The following CTXN2 variants were observed in gnomAD, a reference collection of about 807,000 sequenced individuals.
CTXN2 encodes cortexin-2.
Under a neutral mutation model 5.7 loss-of-function variants are expected in CTXN2, and 3 were observed. The ratio of observed to expected loss-of-function variants is 0.53; its 90% CI spans 0.24 to 1.36. CTXN2 has a LOEUF of 1.36. Among genes scored for constraint, CTXN2 ranks in the 40% most tolerant of loss-of-function variants. CTXN2 has a pLI of 0.17. For synonymous variants in CTXN2, 38 were observed against 36.4 expected, an observed-to-expected ratio of 1.04 and a Z score of -0.16; for missense variants, 87 against 93.0, an observed-to-expected ratio of 0.94 and a Z score of 0.26.
chr15:48,200,210 T>G (rs1413101818), intron 1 of CTXN2, among the ~76,000 whole-genome samples: 1 of 152,114 alleles, frequency 6.6e-6, no homozygotes, highest in Non-Finnish European at 1.5e-5. Flanking sequence ...ATACCAACAG[T>G]CTATTATTCG....
chr15:48,185,997 G>T (rs546162395), intron 1 of CTXN2, among the ~76,000 whole-genome samples: 1 of 152,260 alleles, frequency 6.6e-6, no homozygotes, highest in African/African-American at 2.4e-5. Flanking sequence ...TATTACAGAA[G>T]CATACATTAT....
chr15:48,188,006 A>G (rs1343358751), upstream of CTXN2, among the ~76,000 whole-genome samples: 1 of 152,038 alleles, frequency 6.6e-6, no homozygotes, highest in Non-Finnish European at 1.5e-5. Flanking sequence ...TAGATGATAC[A>G]TTTTCTGTAT....
chr15:48,193,210 G>T (rs573911391), intron 1 of CTXN2, among the ~76,000 whole-genome samples: 34 of 152,254 alleles, frequency 2.2e-4, no homozygotes, highest in African/African-American at 7.9e-4. Flanking sequence ...CAATTGCCAT[G>T]AAGGAAATGT....
chr15:48,198,850 A>G (rs369330920), intron 1 of CTXN2, among the ~76,000 whole-genome samples: 48 of 152,326 alleles, frequency 3.2e-4, no homozygotes, highest in African/African-American at 1.0e-3. Flanking sequence ...TCATAACTAT[A>G]ATCAGTTTAG....
At chr15:48,199,277 A>G (rs1311998164) in intron 1 of CTXN2, among the ~76,000 whole-genome samples, 1 of 152,198 alleles carries the variant, frequency 6.6e-6, no homozygotes, top group African/African-American at 2.4e-5. Flanking sequence ...CGAGGCAATC[A>G]GTGAAAGGGG....
intron 1 of CTXN2, among the ~76,000 whole-genome samples, chr15:48,196,572 TC>T (rs908202211): frequency 3.9e-5 from 6 of 152,108 alleles, no homozygotes; most frequent in African/African-American, 1.4e-4. Flanking sequence ...ATATCTCATA[TC>T]TTCCCCACAA....
At chr15:48,188,972 C>T (rs907558280), upstream of CTXN2, 2 of 152,294 alleles carry the variant, frequency 1.3e-5, no homozygotes, top group Middle Eastern at 3.4e-3. Context: ...CACGTATCTC[C>T]TCGAGGGCAG....
intron 1 of CTXN2, among the ~76,000 whole-genome samples, chr15:48,198,233 C>T (rs985067235): frequency 3.9e-5 from 6 of 152,038 alleles, no homozygotes; most frequent in African/African-American, 1.4e-4. Flanking sequence ...AGTTTTTATA[C>T]TTATTTTCAA....
At chr15:48,181,594 A>G (rs999957380) in intron 1 of CTXN2, among the ~76,000 whole-genome samples, 1 of 152,114 alleles carries the variant, frequency 6.6e-6, no homozygotes, top group Non-Finnish European at 1.5e-5. Flanking sequence ...ATTAAGTTTT[A>G]GGGATAATAA....
chr15:48,184,982 A>C (rs540771344), intron 1 of CTXN2, among the ~76,000 whole-genome samples: 1 of 152,308 alleles, frequency 6.6e-6, no homozygotes, highest in East Asian at 1.9e-4. Flanking sequence ...TAAATGAGCT[A>C]TCAAGCCATG....
At position 48,191,825 on chromosome 15, in the gene CTXN2, C is replaced by T. The variant is rs1338466844; in HGVS notation, c.-86C>T. The T allele has an allele frequency of 6.6e-6, 3 of 455,932 alleles. No individual in the cohort carries two copies. Among genetic ancestry groups the T allele is most frequent in the Non-Finnish European group, 1.3e-5 (3 of 226,800 alleles). The allele number at this position is 455,932 out of a possible 1,614,324, so 28.2% of individuals were successfully genotyped here. ...CCAACACTTAAGTCTACTGGCTGGA[C>T]TTCATCTCCATGGCAACAAGCATGG... is the stretch of plus-strand genomic sequence containing the variant. On this transcript the variant is annotated 5_prime_UTR_variant, in exon 1 of 2. Transcript: ENST00000417307.
rs1032727975 is a variant in CTXN2 at position 48,178,579 on chromosome 15, G to T, written c.-455+179G>T. 3.7e-5 allele frequency: 10 copies of T among 271,236 alleles called. No individual in the cohort carries two copies. In the South Asian group the frequency reaches 1.1e-3, roughly 30 times the overall value. The allele number at this position is 271,236 out of a possible 1,614,324, so 16.8% of individuals were successfully genotyped here. On this transcript the variant is annotated intron_variant, in intron 1 of 2. Coordinates refer to the CTXN2 transcript ENST00000644354. ...GCCCGCCTGTCGCTTGGCACCAGTG[G>T]AGTCTTCGCTTGCAAAGCGGGATTA...
Position 48,201,888 on chromosome 15 carries a change from G to T in CTXN2, c.*342G>T, listed in dbSNP as rs1232520857. On this transcript the variant is annotated 3_prime_UTR_variant, in exon 2 of 2. Transcript: ENST00000417307. ...CATCTTGCTCTCTCCCCTCTGAAAA[G>T]CCCAGGCATCCCCTCCACATTCCTG... The T allele has an allele frequency of 1.5e-5, 4 of 269,456 alleles. No homozygotes were observed. The Admixed American group carries it at 2.0e-4, about 13-fold the overall frequency. The allele number at this position is 269,456 out of a possible 1,614,324, so 16.7% of individuals were successfully genotyped here.
Position 48,203,075 on chromosome 15 carries a change from G to C in CTXN2, c.*1529G>C, listed in dbSNP as rs1039877329. The C allele has an allele frequency of 6.0e-6, 1 of 167,004 alleles. No homozygotes were observed. Among genetic ancestry groups the C allele is most frequent in the African/African-American group, 2.4e-5 (1 of 41,424 alleles). The allele number at this position is 167,004 out of a possible 1,614,324, so 10.3% of individuals were successfully genotyped here. ...TATTTTTAATCTTAATTTTGCAGAA[G>C]AGAAACTGAAGCTAAGAGAAATTAA... On this transcript the variant is annotated 3_prime_UTR_variant, in exon 2 of 2. Coordinates refer to ENST00000417307, the MANE Select transcript of CTXN2 (RefSeq NM_001145668.2).
At chr15:48,195,040 A>C (rs1567294148) in intron 1 of CTXN2, among the ~76,000 whole-genome samples, 1 of 152,166 alleles carries the variant, frequency 6.6e-6, no homozygotes, top group Non-Finnish European at 1.5e-5. Context: ...GATCTGGATA[A>C]ATTTATTGAA....
Position 48,201,628 on chromosome 15 carries a change from G to A in CTXN2, c.*82G>A. The A allele has an allele frequency of 7.3e-7, 1 of 1,365,792 alleles. No individual in the cohort carries two copies. The highest frequency in any genetic ancestry group is 1.0e-6 in the Non-Finnish European group (1 of 999,582). 84.6% of individuals were successfully genotyped at this position (1,365,792 alleles called of 1,614,324 possible). On this transcript the variant is annotated 3_prime_UTR_variant, in exon 2 of 2. Coordinates refer to ENST00000417307, the MANE Select transcript of CTXN2 (RefSeq NM_001145668.2). ...TTGTAACTACCTTGAGGGTGTGGGA[G>A]AGAGGCTCATTTTGTTCAGTGAATT...
At position 48,201,370 on chromosome 15, in the gene CTXN2, A is replaced by T; in HGVS notation, c.70A>T (p.Thr24Ser). 1.3e-6 allele frequency: 2 copies of T among 1,551,238 alleles called. No homozygotes were observed. Among genetic ancestry groups the T allele is most frequent in the Non-Finnish European group, 1.7e-6 (2 of 1,146,704 alleles). Residue 24 changes from threonine to serine, a missense_variant, in exon 2 of 2, where the codon ACT (threonine) becomes TCT (serine). Coordinates refer to ENST00000417307, the MANE Select transcript of CTXN2 (RefSeq NM_001145668.2). ...CAACGAAGTATCAGCTTTCTCATTG[A>T]CTCTGGAGCAAAAAACTGGCTTTGC... Reference protein sequence around the residue: ...SVNEVSAFSLTLEQKTGFAFV... With the variant: ...SVNEVSAFSLSLEQKTGFAFV...
intron 1 of CTXN2, among the ~76,000 whole-genome samples, chr15:48,198,252 T>A (rs2040897436): frequency 6.6e-6 from 1 of 152,156 alleles, no homozygotes; most frequent in South Asian, 2.1e-4. Flanking sequence ...AAATCCAATT[T>A]TTGAAATCAA....
upstream of CTXN2, among the ~76,000 whole-genome samples, chr15:48,190,332 A>G (rs904976258): frequency 2.6e-5 from 4 of 152,230 alleles, no homozygotes; most frequent in South Asian, 6.2e-4. Context: ...AAAAGGGTCA[A>G]TAAAACCATG....
Sources: gnomAD v4.1 joint callset for allele counts (sites outside exome capture counted in the v4.1 genomes callset) on GRCh38, gnomAD v4.1.1 for gene constraint, MANE v1.5 for transcripts, NCBI Gene and HGNC (gene_info 2026-07-23, HGNC 2026-07-21) for gene names.